Variants in PCDH15 observed in about 807,000 individuals in gnomAD.
The protein encoded by PCDH15 is protocadherin related 15, also known as protocadherin-15.
PCDH15 carries 129 observed loss-of-function variants against 178.5 expected under a neutral mutation model. That is an observed-to-expected ratio of 0.72 (90% CI 0.63 to 0.84). The LOEUF (loss-of-function observed/expected upper bound fraction) is 0.84. Among genes scored for constraint, PCDH15 ranks in the 40% least tolerant of loss-of-function variants. The pLI is 0.00. For synonymous variants in PCDH15, 800 were observed against 732.0 expected, an observed-to-expected ratio of 1.09 and a Z score of -1.50; for missense variants, 2,230 against 2,099.9, an observed-to-expected ratio of 1.06 and a Z score of -1.21.
At chr10:54,537,457 G>T (rs943934014) in intron 2 of PCDH15, among the ~76,000 whole-genome samples, 1 of 151,914 alleles carries the variant, frequency 6.6e-6, no homozygotes, top group South Asian at 2.1e-4. Context: ...AAAACCTGTC[G>T]AAGACACAAG....
At chr10:54,416,653 G>T (rs1229781871) in intron 3 of PCDH15, among the ~76,000 whole-genome samples, 2 of 152,114 alleles carry the variant, frequency 1.3e-5, no homozygotes, top group African/African-American at 4.8e-5. Flanking sequence ...TAATGATATT[G>T]TTGGGTCAAA....
intron 2 of PCDH15, among the ~76,000 whole-genome samples, chr10:55,433,650 T>G (rs977387785): frequency 6.6e-6 from 1 of 151,478 alleles, no homozygotes; most frequent in Non-Finnish European, 1.5e-5. Context: ...CAAACATTTT[T>G]AATTTTAATA....
At chr10:53,933,110 C>T (rs897166595) in intron 25 of PCDH15, among the ~76,000 whole-genome samples, 1 of 152,028 alleles carries the variant, frequency 6.6e-6, no homozygotes, top group African/African-American at 2.4e-5. Flanking sequence ...GATTACAGAA[C>T]CATGAGCCAA....
intron 2 of PCDH15, among the ~76,000 whole-genome samples, chr10:55,120,673 A>T (rs1169385034): frequency 6.6e-6 from 1 of 152,156 alleles, no homozygotes; most frequent in African/African-American, 2.4e-5. Context: ...TAAATAAATA[A>T]AATAATAATC....
intron 2 of PCDH15, among the ~76,000 whole-genome samples, chr10:55,337,398 T>C (rs1844423565): frequency 6.6e-6 from 1 of 152,222 alleles, no homozygotes; most frequent in African/African-American, 2.4e-5. Context: ...ACTTCATCAG[T>C]ATGCCTGATG....
At chr10:54,953,961 G>A (rs1838411678) in intron 2 of PCDH15, among the ~76,000 whole-genome samples, 1 of 150,600 alleles carries the variant, frequency 6.6e-6, no homozygotes, top group African/African-American at 2.4e-5. Flanking sequence ...TTTTTTTCTG[G>A]TACTTTAAGT....
chr10:55,229,494 T>C (rs549131702), intron 1 of PCDH15, among the ~76,000 whole-genome samples: 44 of 152,152 alleles, frequency 2.9e-4, no homozygotes, highest in South Asian at 4.1e-4. Context: ...GGTATGTATA[T>C]ATCACATTTT....
At position 53,938,866 on chromosome 10, in the gene PCDH15, G is replaced by T. The variant is rs1321311300; in HGVS notation, c.3322C>A (p.Gln1108Lys). ...AGGACCACTTCCAGGGAATCAGCTTGGACTCGAAGTACATAGCTTGTCCTG... is the reference window on the plus strand; with the variant it reads ...AGGACCACTTCCAGGGAATCAGCTTTGACTCGAAGTACATAGCTTGTCCTG... Reference protein sequence around the residue: ...ETRTSYVLRVQADSLEVVLAN... With the variant: ...ETRTSYVLRVKADSLEVVLAN... Residue 1108 changes from glutamine (Q) to lysine (K), a missense_variant, in exon 25 of 38, where the codon CAA becomes AAA. Coordinates refer to ENST00000644397, the MANE Select transcript of PCDH15 (RefSeq NM_001384140.1). 6.2e-7 allele frequency: 1 copy of T among 1,613,552 alleles called. No homozygotes were observed. Among genetic ancestry groups the T allele is most frequent in the Non-Finnish European group, 8.5e-7 (1 of 1,179,636 alleles).
intron 25 of PCDH15, among the ~76,000 whole-genome samples, chr10:53,910,641 A>G (rs1306017781): frequency 6.6e-6 from 1 of 152,218 alleles, no homozygotes; most frequent in Non-Finnish European, 1.5e-5. Flanking sequence ...AAGCAATGAA[A>G]CAAAGCTGGA....
chr10:54,157,185 C>G (rs1277368486), intron 13 of PCDH15, among the ~76,000 whole-genome samples: 1 of 152,218 alleles, frequency 6.6e-6, no homozygotes, highest in African/African-American at 2.4e-5. Context: ...AGTAGGGACT[C>G]TGTGTGAGGG....
chr10:54,272,223 A>T (rs1347218402), intron 8 of PCDH15, among the ~76,000 whole-genome samples: 1 of 151,690 alleles, frequency 6.6e-6, no homozygotes, highest in Non-Finnish European at 1.5e-5. Context: ...CATAAGAGGT[A>T]CCGAGGATAT....
chr10:55,200,873 T>C (rs1840226915), intron 1 of PCDH15, among the ~76,000 whole-genome samples: 1 of 152,086 alleles, frequency 6.6e-6, no homozygotes, highest in Admixed American at 6.5e-5. Flanking sequence ...TCTGCCATGA[T>C]TATAAGTTTC....
At chr10:54,578,098 A>T (rs908774978) in intron 2 of PCDH15, among the ~76,000 whole-genome samples, 24 of 152,126 alleles carry the variant, frequency 1.6e-4, no homozygotes, top group Non-Finnish European at 2.8e-4. Flanking sequence ...GCAAAATAAA[A>T]TTATCTATGT....
chr10:55,173,336 TGTGTG>T (rs1564861194), intron 1 of PCDH15, among the ~76,000 whole-genome samples: 98 of 150,962 alleles, frequency 6.5e-4, no homozygotes, highest in African/African-American at 2.2e-3. Flanking sequence ...TGTGTGTGTG[TGTGTG>T]TGTGTATGTG....
At chr10:54,898,334 A>C (rs933242748) in intron 2 of PCDH15, among the ~76,000 whole-genome samples, 1 of 152,198 alleles carries the variant, frequency 6.6e-6, no homozygotes, top group African/African-American at 2.4e-5. Flanking sequence ...ATTTTGAAGA[A>C]TATCATAATA....
At chr10:54,974,663 T>C (rs1264023362) in intron 2 of PCDH15, among the ~76,000 whole-genome samples, 1 of 152,082 alleles carries the variant, frequency 6.6e-6, no homozygotes, top group Admixed American at 6.6e-5. Context: ...GTAAAATAAA[T>C]ATATATTTCC....
intron 1 of PCDH15, among the ~76,000 whole-genome samples, chr10:54,756,067 A>G (rs962057026): frequency 1.5e-3 from 217 of 143,040 alleles, no homozygotes; most frequent in Non-Finnish European, 2.5e-3. Flanking sequence ...ACACACACAC[A>G]CACACACACA....
chr10:54,044,279 A>C (rs2093612846), intron 18 of PCDH15, among the ~76,000 whole-genome samples: 1 of 152,138 alleles, frequency 6.6e-6, no homozygotes, highest in African/African-American at 2.4e-5. Context: ...ATAATAAACA[A>C]GGTGTAGGTA....
intron 21 of PCDH15, among the ~76,000 whole-genome samples, chr10:53,992,240 C>T (rs2091560605): frequency 6.6e-6 from 1 of 152,094 alleles, no homozygotes; most frequent in Admixed American, 6.6e-5. Context: ...CACGAACCCA[C>T]CAGAAGGAAG....
Sources: allele counts gnomAD v4.1 joint callset (sites outside exome capture counted in the v4.1 genomes callset), GRCh38; gene constraint gnomAD v4.1.1; transcripts MANE v1.5; gene names NCBI Gene and HGNC (gene_info 2026-07-23, HGNC 2026-07-21).